The following C8orf34 variants were observed in gnomAD, a reference collection of about 807,000 sequenced individuals.
The protein encoded by C8orf34 is uncharacterized protein C8orf34.
In C8orf34, 65 loss-of-function variants were observed where a neutral mutation model predicts 68.3. The observed-to-expected ratio is 0.95, with a 90% CI of 0.78 to 1.17. C8orf34 has a LOEUF of 1.17. Ranked by LOEUF, C8orf34 falls within the 50% of genes most tolerant of loss-of-function variation. The pLI is 0.00. For missense variants in C8orf34, 664 were observed against 655.4 expected, an observed-to-expected ratio of 1.01 and a Z score of -0.14; for synonymous variants, 244 against 241.2, an observed-to-expected ratio of 1.01 and a Z score of -0.11.
At chr8:68,794,506 T>TAAATATATATA (rs58048066) in intron 12 of C8orf34, among the ~76,000 whole-genome samples, 1 of 59,044 alleles carries the variant, frequency 1.7e-5, no homozygotes, top group Non-Finnish European at 3.0e-5. Flanking sequence ...TATATATATA[T>TAAATATATATA]TTTTTTTTTT....
At chr8:68,765,329 T>A (rs1456669212) in intron 10 of C8orf34, among the ~76,000 whole-genome samples, 1 of 152,212 alleles carries the variant, frequency 6.6e-6, no homozygotes, top group African/African-American at 2.4e-5. Flanking sequence ...CCAAAGCCTG[T>A]CCTCTTACTT....
intron 8 of C8orf34, among the ~76,000 whole-genome samples, chr8:68,645,673 T>C (rs1041691705): frequency 2.0e-4 from 30 of 152,178 alleles, no homozygotes; most frequent in Admixed American, 1.0e-3. Context: ...AACAATACTA[T>C]AATGCTAAGA....
chr8:68,519,572 C>T (rs1256812787), intron 5 of C8orf34, among the ~76,000 whole-genome samples: 1 of 131,194 alleles, frequency 7.6e-6, no homozygotes. Flanking sequence ...GAAAACATTT[C>T]ATTCAATATA....
At chr8:68,769,394 A>G (rs1228052670) in intron 10 of C8orf34, among the ~76,000 whole-genome samples, 1 of 151,450 alleles carries the variant, frequency 6.6e-6, no homozygotes, top group Non-Finnish European at 1.5e-5. Context: ...CTTTTAGTCT[A>G]TATTTTATTA....
At chr8:68,391,661 C>G (rs1808483523) in intron 1 of C8orf34, among the ~76,000 whole-genome samples, 1 of 152,178 alleles carries the variant, frequency 6.6e-6, no homozygotes, top group Admixed American at 6.6e-5. Flanking sequence ...AGCAAACAAC[C>G]CATAAAATCT....
rs1173366824 is a variant in C8orf34, at chr8:68,640,457, A to G, written c.1187A>G (p.Tyr396Cys). 1 of 1,613,802 alleles carries G rather than the reference A, an allele frequency of 6.2e-7. No individual in the cohort carries two copies. The highest frequency in any genetic ancestry group is 8.5e-7 in the Non-Finnish European group (1 of 1,179,918). Residue 396 changes from tyrosine (Y) to cysteine (C), a missense_variant, in exon 8 of 14, where the codon TAC becomes TGC. Tyr to Cys is a radical substitution (Grantham distance 194). Coordinates refer to ENST00000518698, the MANE Select transcript of C8orf34 (RefSeq NM_052958.4). ...AAATTTAACCAAGGCCGTCCTACTT[A>G]CCCTGCTGAGCCTCAGGCCAAGGTC... is the stretch of plus-strand genomic sequence containing the variant. The part of the protein sequence containing the change: ...GSKFNQGRPT[Y>C]PAEPQAKVTL...
chr8:68,616,549 C>T (rs1449569758), intron 7 of C8orf34, among the ~76,000 whole-genome samples: 1 of 152,082 alleles, frequency 6.6e-6, no homozygotes, highest in Non-Finnish European at 1.5e-5. Flanking sequence ...CGTTATGTAC[C>T]TGGTAGTCAT....
chr8:68,709,035 T>C lies in C8orf34; in HGVS notation c.1283T>C (p.Leu428Pro), dbSNP rs147432882. The stretch of plus-strand genomic sequence containing the variant: ...CTGGAAGAAAGGACAGAAGAGTCAC[T>C]ACCAATACTCCATTCTCCAGATGAA... ...DNLEERTEES[L>P]PILHSPDEKI... Residue 428 changes from leucine (L) to proline (P), a missense_variant, in exon 9 of 14, where the codon CTA (leucine) becomes CCA (proline). By Grantham distance (98) the Leu-to-Pro change is moderately conservative. Coordinates refer to ENST00000518698, the MANE Select transcript of C8orf34 (RefSeq NM_052958.4). The C allele has an allele frequency of 1.2e-6, 2 of 1,610,176 alleles. No individual in the cohort carries two copies. Among genetic ancestry groups the C allele is most frequent in the African/African-American group, 1.3e-5 (1 of 74,604 alleles).
At chr8:68,712,816 C>T (rs1821362624) in intron 9 of C8orf34, among the ~76,000 whole-genome samples, 1 of 151,324 alleles carries the variant, frequency 6.6e-6, no homozygotes, top group Non-Finnish European at 1.5e-5. Flanking sequence ...AAACAATAGA[C>T]CTAAACTTGA....
At chr8:68,504,682 A>ATTT (rs563414330) in intron 5 of C8orf34, among the ~76,000 whole-genome samples, 2 of 128,888 alleles carry the variant, frequency 1.6e-5, no homozygotes, top group African/African-American at 5.7e-5. Flanking sequence ...ACCATGCCTA[A>ATTT]TTTTTTTTTT....
At chr8:68,757,787 G>A (rs1822908630) in intron 10 of C8orf34, among the ~76,000 whole-genome samples, 1 of 152,306 alleles carries the variant, frequency 6.6e-6, no homozygotes, top group African/African-American at 2.4e-5. Flanking sequence ...AATGTGGACT[G>A]TGGAGTTCCA....
intron 3 of C8orf34, among the ~76,000 whole-genome samples, chr8:68,457,619 A>G (rs16934637): frequency 0.021 from 3,202 of 152,290 alleles, 109 homozygotes; most frequent in African/African-American, 0.073. Context: ...TGACTATAAT[A>G]AAGAATTGCT....
At chr8:68,747,922 C>T (rs1275504456) in intron 10 of C8orf34, among the ~76,000 whole-genome samples, 16 of 152,018 alleles carry the variant, frequency 1.1e-4, no homozygotes, top group African/African-American at 1.9e-4. Flanking sequence ...GAGCCCGCAT[C>T]GCCAAGTCAA....
At chr8:68,391,333 G>A (rs1808471138) in intron 1 of C8orf34, among the ~76,000 whole-genome samples, 1 of 152,048 alleles carries the variant, frequency 6.6e-6, no homozygotes, top group Admixed American at 6.6e-5. Flanking sequence ...TGTCACAAAA[G>A]TTTACAAATT....
rs567334071 is a variant in C8orf34 at position 68,467,990 on chromosome 8, A to G, written c.608-702A>G. On this transcript the variant is annotated intron_variant, in intron 3 of 13. Transcript: ENST00000518698. ...GGCCCTTTAAATCTGAAAAGCAATT[A>G]AGTTCTTATATTATTATTACTTTGA... 1.5e-4 allele frequency among the ~76,000 whole-genome samples: 23 copies of G among 152,048 alleles called. No individual in the cohort carries two copies. The East Asian group carries it at 4.1e-3, about 27-fold the overall frequency.
intron 1 of C8orf34, among the ~76,000 whole-genome samples, chr8:68,428,160 G>A (rs1408621202): frequency 6.6e-6 from 1 of 151,604 alleles, no homozygotes; most frequent in Non-Finnish European, 1.5e-5. Context: ...AGCTTAAAAA[G>A]CAAATAAAGA....
At position 68,375,067 on chromosome 8, in the gene C8orf34, C is replaced by G. The variant is rs564719209; in HGVS notation, c.327+43728C>G. ...TTAATAATATTCTCTGAGATGTTTT[C>G]CTAATTCTTTAGCAGAGATGGATCT... On this transcript the variant is annotated intron_variant, in intron 1 of 13. Transcript: ENST00000518698. Among the ~76,000 whole-genome samples, 4 of 152,206 alleles carry G rather than the reference C, an allele frequency of 2.6e-5. No individual in the cohort carries two copies. The South Asian group carries it at 8.3e-4, about 32-fold the overall frequency.
intron 8 of C8orf34, among the ~76,000 whole-genome samples, chr8:68,674,542 T>A (rs186763303): frequency 1.3e-5 from 2 of 151,936 alleles, no homozygotes; most frequent in African/African-American, 2.4e-5. Context: ...AACAGCAGAA[T>A]TGATCAAGCA....
At chr8:68,589,388 GGGAA>G (rs776405070) in intron 7 of C8orf34, among the ~76,000 whole-genome samples, 15 of 151,102 alleles carry the variant, frequency 9.9e-5, no homozygotes, top group Non-Finnish European at 1.8e-4. Context: ...AAAGAAAGAG[GGGAA>G]GGAAGGAAGA....
Sources: allele counts gnomAD v4.1 joint callset (sites outside exome capture counted in the v4.1 genomes callset), GRCh38; gene constraint gnomAD v4.1.1; transcripts MANE v1.5; gene names NCBI Gene and HGNC (gene_info 2026-07-23, HGNC 2026-07-21).